Variants in TFG observed in about 807,000 individuals in gnomAD.
The protein encoded by TFG is trafficking from ER to golgi regulator, also known as protein TFG.
TFG carries 22 observed loss-of-function variants against 51.4 expected under a neutral mutation model. That is an observed-to-expected ratio of 0.43 (90% CI 0.31 to 0.61). The LOEUF (loss-of-function observed/expected upper bound fraction) is 0.61. Ranked by LOEUF, TFG falls within the 20% of genes least tolerant of loss-of-function variation. The pLI is 0.12. For missense variants in TFG, 419 were observed against 487.7 expected (o/e 0.86, Z 1.33); for synonymous variants, 187 against 165.6 (o/e 1.13, Z -0.99).
intron 5 of TFG, among the ~76,000 whole-genome samples, chr3:100,734,117 A>AACTCTTTTGTGATAGTTTTTGC (rs904852810): frequency 6.8e-6 from 1 of 147,872 alleles, no homozygotes; most frequent in African/African-American, 2.5e-5. Context: ...GTGGTTTTTG[A>AACTCTTTTGTGATAGTTTTTGC]ACTCTTTTGT....
At chr3:100,726,694 G>A (rs1198504598) in intron 3 of TFG, among the ~76,000 whole-genome samples, 1 of 152,036 alleles carries the variant, frequency 6.6e-6, no homozygotes, top group African/African-American at 2.4e-5. Context: ...AATGAAGTTG[G>A]GTTTACTGAC....
At chr3:100,740,008 T>G (rs780516926) in intron 6 of TFG, among the ~76,000 whole-genome samples, 2 of 152,102 alleles carry the variant, frequency 1.3e-5, no homozygotes, top group Admixed American at 6.6e-5. Flanking sequence ...TGTTTCAAGA[T>G]TCGTTTGTTA....
At chr3:100,727,434 G>A (rs559016130) in intron 3 of TFG, among the ~76,000 whole-genome samples, 103 of 152,254 alleles carry the variant, frequency 6.8e-4, no homozygotes, top group African/African-American at 2.3e-3. Flanking sequence ...ACAAAGAATC[G>A]CCCTGAACTT....
chr3:100,715,406 A>G (rs192472785), intron 2 of TFG, among the ~76,000 whole-genome samples: 90 of 152,376 alleles, frequency 5.9e-4, no homozygotes, highest in African/African-American at 2.1e-3. Context: ...GACATTGGTC[A>G]GTACCCAGTT....
intron 1 of TFG, among the ~76,000 whole-genome samples, chr3:100,712,123 G>T (rs1415997131): frequency 1.3e-5 from 2 of 152,038 alleles, no homozygotes; most frequent in African/African-American, 4.8e-5. Flanking sequence ...TTTCATTGAA[G>T]ATTTATTAAT....
intron 1 of TFG, among the ~76,000 whole-genome samples, chr3:100,712,882 G>T (rs1023469440): frequency 1.9e-4 from 29 of 152,148 alleles, no homozygotes; most frequent in African/African-American, 5.1e-4. Flanking sequence ...TATCAGAAAG[G>T]GTCAAGACAA....
Position 100,734,991 on chromosome 3 carries a change from A to G in TFG, c.581-1585A>G, listed in dbSNP as rs141437466. Among the ~76,000 whole-genome samples, 11 of 152,310 alleles carry G rather than the reference A, an allele frequency of 7.2e-5. No individual in the cohort carries two copies. The East Asian group carries it at 2.1e-3, about 29-fold the overall frequency. ...GAATGTGGCAGTGGGAAGGAGGGAT[A>G]AAATATTACAAACATGGAATGAATA... On this transcript the variant is annotated intron_variant, in intron 5 of 7. Coordinates refer to ENST00000240851, the MANE Select transcript of TFG (RefSeq NM_006070.6).
intron 1 of TFG, among the ~76,000 whole-genome samples, chr3:100,712,366 G>A (rs1360473210): frequency 6.6e-6 from 1 of 152,306 alleles, no homozygotes; most frequent in African/African-American, 2.4e-5. Flanking sequence ...GAGAAGTGTG[G>A]TGTTAATGAA....
rs1234041059 is a variant in TFG at position 100,728,719 on chromosome 3, C to T, written c.276C>T (p.Gly92=). The T allele has an allele frequency of 2.5e-6, 4 of 1,580,974 alleles. No homozygotes were observed. The highest frequency in any genetic ancestry group is 3.4e-6 in the Non-Finnish European group (4 of 1,166,048). Residue 92 remains glycine (G), a synonymous_variant, in exon 4 of 8, where the codon GGC becomes GGT. Transcript: ENST00000240851. Reference sequence around the variant, plus strand: ...TAAATGTTTTTATTTCAGTTAATGGCCAGCCAAGACCCCTTGAATCAAGTC... The same window carrying T: ...TAAATGTTTTTATTTCAGTTAATGGTCAGCCAAGACCCCTTGAATCAAGTC... ...RILKLTLFVN[G]QPRPLESSQV...
intron 4 of TFG, among the ~76,000 whole-genome samples, chr3:100,730,816 G>A (rs769930436): frequency 1.1e-4 from 16 of 152,164 alleles, no homozygotes; most frequent in Non-Finnish European, 2.9e-5. Flanking sequence ...GTAGTAGGAC[G>A]TATAGTATGT....
chr3:100,714,843 A>C (rs1274405110), intron 2 of TFG, among the ~76,000 whole-genome samples: 2 of 152,220 alleles, frequency 1.3e-5, no homozygotes, highest in Admixed American at 6.5e-5. Flanking sequence ...TGTTGACAAA[A>C]TTATCTTTAT....
At chr3:100,711,348 G>T (rs1576351134) in intron 1 of TFG, among the ~76,000 whole-genome samples, 1 of 152,102 alleles carries the variant, frequency 6.6e-6, no homozygotes, top group African/African-American at 2.4e-5. Context: ...TGATCTGCCC[G>T]CCTCGGCCTC....
In TFG at chr3:100,709,511, C is replaced by G. The variant is rs1033309573; in HGVS notation, c.-254C>G. ...CCGCCTCTGTTCTTCCCCCACCTGC[C>G]ACGTACAGAGCCCAAGTTCTCGCTA... On this transcript the variant is annotated 5_prime_UTR_variant, in exon 1 of 8. Coordinates refer to ENST00000240851, the MANE Select transcript of TFG (RefSeq NM_006070.6). The G allele has an allele frequency of 6.6e-6, 1 of 152,378 alleles. No homozygotes were observed. Among genetic ancestry groups the G allele is most frequent in the South Asian group, 2.1e-4 (1 of 4,832 alleles). 9.4% of individuals were successfully genotyped at this position (152,378 alleles called of 1,614,324 possible).
chr3:100,737,538 A>G (rs1006056054), intron 6 of TFG, among the ~76,000 whole-genome samples: 9 of 152,308 alleles, frequency 5.9e-5, no homozygotes, highest in Admixed American at 1.3e-4. Flanking sequence ...TGTATTGTCT[A>G]TGTGTGTTGG....
chr3:100,734,164 T>C (rs115129534), intron 5 of TFG, among the ~76,000 whole-genome samples: 8 of 151,628 alleles, frequency 5.3e-5, no homozygotes, highest in African/African-American at 2.0e-4. Flanking sequence ...CATGGCCTTA[T>C]CAGAGTTTTT....
At chr3:100,739,163 C>T (rs780756667) in intron 6 of TFG, among the ~76,000 whole-genome samples, 3 of 151,994 alleles carry the variant, frequency 2.0e-5, no homozygotes, top group Non-Finnish European at 4.4e-5. Context: ...TTATTTAGAT[C>T]AACTACTGGT....
chr3:100,720,312 T>TCC (rs1292357652), intron 3 of TFG, among the ~76,000 whole-genome samples: 3 of 152,238 alleles, frequency 2.0e-5, no homozygotes, highest in African/African-American at 7.2e-5. Context: ...AACTTAGGTA[T>TCC]CCCTGGTGCA....
chr3:100,735,681 C>T (rs1388549538), intron 5 of TFG, among the ~76,000 whole-genome samples: 1 of 152,164 alleles, frequency 6.6e-6, no homozygotes. Context: ...TTTACATTGT[C>T]CTCAGAATAT....
At chr3:100,711,050 A>G (rs2095029641) in intron 1 of TFG, 3 of 152,236 alleles carry the variant, frequency 2.0e-5, no homozygotes, top group Non-Finnish European at 4.4e-5. Context: ...AATAGGAAAC[A>G]CAAAAAGTGA....
Sources: gnomAD v4.1 joint callset for allele counts (sites outside exome capture counted in the v4.1 genomes callset) on GRCh38, gnomAD v4.1.1 for gene constraint, MANE v1.5 for transcripts, NCBI Gene and HGNC (gene_info 2026-07-23, HGNC 2026-07-21) for gene names.